Variants in RPTOR observed in about 807,000 individuals in gnomAD.
RPTOR encodes regulatory-associated protein of mTOR.
RPTOR carries 21 observed loss-of-function variants against 169.9 expected under a neutral mutation model. That is an observed-to-expected ratio of 0.12 (90% CI 0.09 to 0.18). The LOEUF is 0.18. Ranked by LOEUF, RPTOR falls within the 10% of genes least tolerant of loss-of-function variation. The probability of loss-of-function intolerance (pLI) is 1.00; values close to 1 mark genes in which losing one functional copy is unlikely to be tolerated. For synonymous variants in RPTOR, 732 were observed against 753.2 expected, an observed-to-expected ratio of 0.97 and a Z score of 0.46; for missense variants, 1,133 against 1,855.9, an observed-to-expected ratio of 0.61 and a Z score of 7.16.
chr17:80,936,407 A>G lies in RPTOR; in HGVS notation c.2920-4089A>G, dbSNP rs961910978. 6.6e-6 allele frequency among the ~76,000 whole-genome samples: 1 copy of G among 152,262 alleles called. No homozygotes were observed. On this transcript the variant is annotated intron_variant, in intron 24 of 33. Transcript: ENST00000306801. The surrounding 1 kb of genome is among the most constrained non-coding windows in gnomAD (Gnocchi z 4.1). ...TTCAGAAACCTGTATGTGAATGTTT[A>G]TAGTGACTGTATTCATAGTCACCAA...
rs1224811450 is a variant in RPTOR, at chr17:80,720,221, T to C, written c.508-10339T>C. ...GCTGAGACAGGAGAATCGCTTGAAC[T>C]GGGACTTGGAGGTTGCAGTGAGCCG... On this transcript the variant is annotated intron_variant, in intron 4 of 33. Transcript: ENST00000306801. Among the ~76,000 whole-genome samples, 14 of 152,022 alleles carry C rather than the reference T, an allele frequency of 9.2e-5. No individual in the cohort carries two copies. In the East Asian group the frequency reaches 2.1e-3, roughly 23 times the overall value.
intron 1 of RPTOR, among the ~76,000 whole-genome samples, chr17:80,560,463 A>G (rs1301914458): frequency 6.6e-6 from 1 of 152,132 alleles, no homozygotes; most frequent in East Asian, 1.9e-4. Context: ...ATCAGGGCAG[A>G]TGGATGACAG....
chr17:80,854,730 TA>T (rs1194419484), intron 11 of RPTOR, among the ~76,000 whole-genome samples: 5 of 152,110 alleles, frequency 3.3e-5, no homozygotes, highest in Non-Finnish European at 7.4e-5. Flanking sequence ...CCCATCTCTA[TA>T]AAAAATACAA....
chr17:80,932,089 A>G lies in RPTOR; in HGVS notation c.2919+6609A>G, dbSNP rs139153675. On this transcript the variant is annotated intron_variant, in intron 24 of 33. Coordinates refer to ENST00000306801, the MANE Select transcript of RPTOR (RefSeq NM_020761.3). ...CCCAAGCCCATTTCAGTGCCTCGCT[A>G]GATTGACTGAACTCTTTAACAGTCT... 9.4e-4 allele frequency among the ~76,000 whole-genome samples: 143 copies of G among 152,074 alleles called. 3 individuals are homozygous for G. The East Asian group carries it at 0.025, about 27-fold the overall frequency.
intron 10 of RPTOR, among the ~76,000 whole-genome samples, chr17:80,843,000 C>A (rs143702087): frequency 6.6e-6 from 1 of 152,364 alleles, no homozygotes; most frequent in Non-Finnish European, 1.5e-5. Context: ...TAATGACAAA[C>A]TCTACGTGAC....
chr17:80,799,653 C>T (rs1236673908), intron 7 of RPTOR, among the ~76,000 whole-genome samples: 1 of 152,142 alleles, frequency 6.6e-6, no homozygotes, highest in Admixed American at 6.5e-5. Context: ...TTTTTGTTTC[C>T]GTCAAGCTTC....
At chr17:80,775,624 A>G (rs2066885356) in intron 6 of RPTOR, among the ~76,000 whole-genome samples, 3 of 152,362 alleles carry the variant, frequency 2.0e-5, no homozygotes, top group Admixed American at 6.5e-5. Flanking sequence ...ATTGTTGGGC[A>G]CAGGATGAAA....
intron 13 of RPTOR, among the ~76,000 whole-genome samples, chr17:80,877,553 A>T (rs1014312787): frequency 6.6e-6 from 1 of 152,108 alleles, no homozygotes; most frequent in Non-Finnish European, 1.5e-5. Context: ...GCTTCATTAC[A>T]CTCTCGTGAG....
At chr17:80,674,836 A>C (rs1414339158) in intron 3 of RPTOR, among the ~76,000 whole-genome samples, 1 of 151,032 alleles carries the variant, frequency 6.6e-6, no homozygotes, top group East Asian at 1.9e-4. Flanking sequence ...CAACTTCTCA[A>C]CATAAGGTCT....
chr17:80,879,609 C>T (rs1400841825), intron 13 of RPTOR, among the ~76,000 whole-genome samples: 2 of 152,198 alleles, frequency 1.3e-5, no homozygotes, highest in Admixed American at 6.5e-5. Context: ...TCCAAGCACC[C>T]TATGGTGCCT....
chr17:80,554,911 A>T (rs965954573), intron 1 of RPTOR, among the ~76,000 whole-genome samples: 1 of 152,242 alleles, frequency 6.6e-6, no homozygotes, highest in Admixed American at 6.5e-5. Flanking sequence ...AGTTATTTGT[A>T]GAAATGTTAT....
intron 7 of RPTOR, among the ~76,000 whole-genome samples, chr17:80,814,175 T>C (rs1284749536): frequency 3.9e-5 from 6 of 152,176 alleles, no homozygotes; most frequent in African/African-American, 7.2e-5. Flanking sequence ...TTTTGAAATA[T>C]CTTCCCTTTT....
intron 1 of RPTOR, among the ~76,000 whole-genome samples, chr17:80,551,231 C>T (rs1352533037): frequency 1.3e-5 from 2 of 152,124 alleles, no homozygotes; most frequent in Non-Finnish European, 2.9e-5. Flanking sequence ...TGCCCCTCCA[C>T]ACCTGTGGGT....
intron 8 of RPTOR, among the ~76,000 whole-genome samples, chr17:80,822,811 C>T (rs184764856): frequency 1.7e-4 from 26 of 151,196 alleles, no homozygotes; most frequent in South Asian, 8.3e-4. Context: ...TTTGTGTATG[C>T]GTGCCCATGT....
At chr17:80,720,926 A>G (rs954210722) in intron 4 of RPTOR, among the ~76,000 whole-genome samples, 4 of 151,010 alleles carry the variant, frequency 2.6e-5, no homozygotes, top group Admixed American at 6.6e-5. Context: ...GGCAAGCAGG[A>G]TATTCATCTT....
rs139005867 is a variant in RPTOR, at chr17:80,653,573, C to T, written c.348+9763C>T. On this transcript the variant is annotated intron_variant, in intron 3 of 33. Coordinates refer to ENST00000306801, the MANE Select transcript of RPTOR (RefSeq NM_020761.3). ...TCGGGGTGAGTGCAGGCAGAGTGGC[C>T]GAGGAGCTGGGCCTCTGTGAAGTCT... is the stretch of plus-strand genomic sequence containing the variant. Among the ~76,000 whole-genome samples, 1,111 of 152,204 alleles carry T rather than the reference C, an allele frequency of 7.3e-3. 8 individuals carry two copies. The highest frequency in any genetic ancestry group is 0.011 in the African/African-American group (451 of 41,530).
At chr17:80,842,423 G>C (rs2067681418) in intron 10 of RPTOR, among the ~76,000 whole-genome samples, 1 of 152,062 alleles carries the variant, frequency 6.6e-6, no homozygotes, top group Non-Finnish European at 1.5e-5. Context: ...TTCAGGGGCT[G>C]CTCCCTCCTT....
chr17:80,689,552 T>C (rs1024140790), intron 3 of RPTOR, among the ~76,000 whole-genome samples: 1 of 152,244 alleles, frequency 6.6e-6, no homozygotes, highest in Non-Finnish European at 1.5e-5. Flanking sequence ...TTTCATCAGA[T>C]AGTTAGCGAG....
intron 7 of RPTOR, among the ~76,000 whole-genome samples, chr17:80,816,475 A>G (rs9893314): frequency 0.16 from 24,261 of 152,172 alleles, 2,015 homozygotes; most frequent in Middle Eastern, 0.22. Context: ...GTTCCGCTTG[A>G]GCTGTGATGC....
Sources: gnomAD v4.1 joint callset for allele counts (sites outside exome capture counted in the v4.1 genomes callset) on GRCh38, gnomAD v4.1.1 for gene constraint, Gnocchi (gnomAD v3.1) non-coding constraint, MANE v1.5 for transcripts, NCBI Gene and HGNC (gene_info 2026-07-23, HGNC 2026-07-21) for gene names.